The following SHD variants were observed in gnomAD, a reference collection of about 807,000 sequenced individuals.
SHD encodes the protein Src homology 2 domain containing transforming protein D, also known as SH2 domain-containing adapter protein D.
SHD carries 29 observed loss-of-function variants against 31.2 expected under a neutral mutation model. That is an observed-to-expected ratio of 0.93 (90% CI 0.69 to 1.27). The LOEUF (loss-of-function observed/expected upper bound fraction) is 1.27, where lower values mean the gene tolerates loss of function less well. Ranked by LOEUF, SHD falls within the 50% of genes most tolerant of loss-of-function variation. The probability of loss-of-function intolerance (pLI) is 0.00; values close to 1 mark genes in which losing one functional copy is unlikely to be tolerated. For synonymous variants in SHD, 208 were observed against 187.8 expected (o/e 1.11, Z -0.88); for missense variants, 520 against 453.8 (o/e 1.15, Z -1.33).
intron 3 of SHD, 56 bp from the exon 4 acceptor site, chr19:4,284,725 C>T: frequency 1.4e-6 from 2 of 1,419,224 alleles, no homozygotes; most frequent in South Asian, 3.4e-5. Flanking sequence ...TTGCCCCTGC[C>T]CCGCCCCCCA....
At chr19:4,282,787 C>T (rs1404110551) in intron 1 of SHD, 83 bp from the exon 2 acceptor site, 5 of 1,021,076 alleles carry the variant, frequency 4.9e-6, no homozygotes, top group Non-Finnish European at 7.3e-6. Flanking sequence ...TCAGATGGCC[C>T]TGTGGGCAGG....
At chr19:4,281,170 T>C (rs1025564195) in intron 1 of SHD, among the ~76,000 whole-genome samples, 2 of 151,566 alleles carry the variant, frequency 1.3e-5, no homozygotes, top group Admixed American at 1.3e-4. Context: ...GGCCACCGGG[T>C]GCAGTAGCTC....
At chr19:4,288,485 T>G in intron 5 of SHD, 123 bp downstream of exon 5, 5 of 1,093,030 alleles carry the variant, frequency 4.6e-6, no homozygotes, top group Non-Finnish European at 5.0e-6. Context: ...TCCAGGTCAG[T>G]GGGTGGGACT....
At chr19:4,286,487 G>A (rs531407019) in intron 4 of SHD, among the ~76,000 whole-genome samples, 38 of 151,914 alleles carry the variant, frequency 2.5e-4, no homozygotes, top group East Asian at 5.8e-4. Context: ...CCACAGGCAC[G>A]CCATATGTGC....
At chr19:4,288,208 T>C (rs888928) in intron 4 of SHD, 35 bp from the exon 5 acceptor site, 617,035 of 1,585,550 alleles carry the variant, frequency 0.39, 125,747 homozygotes, top group African/African-American at 0.59. Context: ...TTGAAGGGAA[T>C]GGCCCTTGAT....
intron 4 of SHD, among the ~76,000 whole-genome samples, chr19:4,286,275 C>CTTTT (rs1971314937): frequency 8.3e-6 from 1 of 121,068 alleles, no homozygotes; most frequent in African/African-American, 3.0e-5. Context: ...TTCTTTCTTT[C>CTTTT]TTTCTTTTTT....
chr19:4,288,697 T>C (rs1005328367), intron 5 of SHD, among the ~76,000 whole-genome samples: 1 of 152,172 alleles, frequency 6.6e-6, no homozygotes, highest in Non-Finnish European at 1.5e-5. Flanking sequence ...TTTGTGTCCA[T>C]CTGAAGCCAA....
Position 4,288,381 on chromosome 19 carries a change from A to T in SHD, c.836+19A>T. 1 of 1,605,900 alleles carries T rather than the reference A, an allele frequency of 6.2e-7. No individual in the cohort carries two copies. Among genetic ancestry groups the T allele is most frequent in the South Asian group, 1.1e-5 (1 of 90,190 alleles). On this transcript the variant is annotated intron_variant, in intron 5 of 5. Coordinates refer to ENST00000543264, the MANE Select transcript of SHD (RefSeq NM_020209.4). ...CTCTCAGGTGAGAACTCAGCCTCAC[A>T]GGGACGAAGGGTCACAGGATTGCGT...
Position 4,284,853 on chromosome 19 carries a change from G to A in SHD, c.665G>A (p.Ser222Asn). 1 of 1,612,882 alleles carries A rather than the reference G, an allele frequency of 6.2e-7. No homozygotes were observed. Among genetic ancestry groups the A allele is most frequent in the Non-Finnish European group, 8.5e-7 (1 of 1,179,608 alleles). The change falls in exon 4 of 6, where the codon AGC becomes AAC. Residue 222 changes from serine (S) to asparagine (N), a missense_variant. Transcript: ENST00000543264. ...GAGCTCCGGAGACCTCCGCCCAGAAGCCCCCAGCCTGCGGAGCGTGTGGAC... is the reference window on the plus strand; with the variant it reads ...GAGCTCCGGAGACCTCCGCCCAGAAACCCCCAGCCTGCGGAGCGTGTGGAC... ...AKELRRPPPR[S>N]PQPAERVDPA... is the part of the protein sequence containing the mutation.
At chr19:4,279,215 G>C (rs1971229070), upstream of SHD, 1 of 152,286 alleles carries the variant, frequency 6.6e-6, no homozygotes, top group Non-Finnish European at 1.5e-5. This position sits in a 1 kb window ranked among gnomAD's most constrained non-coding sequence, Gnocchi z 7.5. Flanking sequence ...GGAGCGCAGG[G>C]GGAGGGGAGG....
chr19:4,288,473 C>T, intron 5 of SHD, 111 bp downstream of exon 5: 1 of 1,280,936 alleles, frequency 7.8e-7, no homozygotes, highest in Non-Finnish European at 1.0e-6. Context: ...TAGGGAAGGG[C>T]TTCCAGGTCA....
chr19:4,288,146 C>T, intron 4 of SHD, 97 bp from the exon 5 acceptor site: 3 of 1,397,782 alleles, frequency 2.1e-6, no homozygotes, highest in Non-Finnish European at 2.9e-6. Context: ...CTCAGGCAAT[C>T]CGCCCGCGTC....
rs932818098 is a variant in SHD at position 4,289,203 on chromosome 19, C to T, written c.836+841C>T. The stretch of plus-strand genomic sequence containing the variant: ...TCGGCTCACTGCAAGCTCTGCCTCC[C>T]GGGTTCACGCCATTCTCCTGCCTCA... On this transcript the variant is annotated intron_variant, in intron 5 of 5. Transcript: ENST00000543264. Among the ~76,000 whole-genome samples, 21 of 148,372 alleles carry T rather than the reference C, an allele frequency of 1.4e-4. No individual in the cohort carries two copies. In the East Asian group the frequency reaches 1.6e-3, roughly 11 times the overall value.
chr19:4,288,419 T>TG, intron 5 of SHD, 57 bp downstream of exon 5: 2 of 1,527,878 alleles, frequency 1.3e-6, no homozygotes, highest in Non-Finnish European at 1.8e-6. Flanking sequence ...GTCACCCTTT[T>TG]GGGTTAATTC....
chr19:4,288,506 G>A lies in SHD; in HGVS notation c.836+144G>A, dbSNP rs866958289. ...TCAGTGGGTGGGACTTCTAGGAGAA[G>A]GGGTGGGAGTTCTGGGGAGGCCATT... On this transcript the variant is annotated intron_variant, in intron 5 of 5. Transcript: ENST00000543264. The A allele has an allele frequency of 1.4e-5, 14 of 975,300 alleles. No homozygotes were observed. The South Asian group carries it at 1.8e-4, about 12-fold the overall frequency. The allele number at this position is 975,300 out of a possible 1,614,324, so 60.4% of individuals were successfully genotyped here.
Position 4,290,528 on chromosome 19 carries a change from C to T in SHD, c.918C>T (p.Phe306=), listed in dbSNP as rs1971367246. Residue 306 remains phenylalanine (F), a synonymous_variant, in exon 6 of 6, where the codon TTC becomes TTT. Coordinates refer to ENST00000543264, the MANE Select transcript of SHD (RefSeq NM_020209.4). The part of the protein sequence containing the change: ...QVVLGQHSGP[F]PSVPELVLHY... ...TGCTGGGCCAACACAGCGGGCCCTT[C>T]CCCAGCGTGCCCGAGCTCGTCCTCC... 3 of 1,613,624 alleles carry T rather than the reference C, an allele frequency of 1.9e-6. No homozygotes were observed. The highest frequency in any genetic ancestry group is 2.5e-6 in the Non-Finnish European group (3 of 1,180,006).
chr19:4,286,624 G>T lies in SHD; in HGVS notation c.717-1619G>T, dbSNP rs565882517. On this transcript the variant is annotated intron_variant, in intron 4 of 5. Coordinates refer to ENST00000543264, the MANE Select transcript of SHD (RefSeq NM_020209.4). ...ACATTAAAGCAAAACATTAGGCCAGGCACGGTGGCTCACGCCTGTTATCCC... is the reference window on the plus strand; with the variant it reads ...ACATTAAAGCAAAACATTAGGCCAGTCACGGTGGCTCACGCCTGTTATCCC... Among the ~76,000 whole-genome samples the T allele has an allele frequency of 6.6e-5, 10 of 152,274 alleles. No individual in the cohort carries two copies. The South Asian group carries it at 2.1e-3, about 32-fold the overall frequency.
At chr19:4,290,166 G>T (rs539362394) in intron 5 of SHD, among the ~76,000 whole-genome samples, 1 of 152,126 alleles carries the variant, frequency 6.6e-6, no homozygotes, top group Non-Finnish European at 1.5e-5. Flanking sequence ...GTGAGCCACC[G>T]CACCCGCCTA....
In SHD at chr19:4,283,086, AC is replaced by A; in HGVS notation, c.440del (p.Pro147LeufsTer99). On this transcript the variant is annotated frameshift_variant, in exon 3 of 6. Coordinates refer to ENST00000543264, the MANE Select transcript of SHD (RefSeq NM_020209.4). LOFTEE classifies it high-confidence loss of function. The part of the protein sequence containing the change: ...LPGRGVQLYD[T>X]PYEEQDPETA... ...CGGCAGAGGGGTGCAGCTCTATGAC[AC>A]CCCTTATGAGGAACAGGACCCAGAG... 3 of 1,613,840 alleles carry A rather than the reference AC, an allele frequency of 1.9e-6. No individual in the cohort carries two copies. Among genetic ancestry groups the A allele is most frequent in the Non-Finnish European group, 2.5e-6 (3 of 1,179,938 alleles).
Sources: allele counts gnomAD v4.1 joint callset (sites outside exome capture counted in the v4.1 genomes callset), GRCh38; gene constraint gnomAD v4.1.1; non-coding constraint Gnocchi (gnomAD v3.1); transcripts MANE v1.5; gene names NCBI Gene and HGNC (gene_info 2026-07-23, HGNC 2026-07-21).